Variants in LRP2 observed in about 807,000 individuals in gnomAD.
LRP2 encodes the protein low-density lipoprotein receptor-related protein 2.
LRP2 carries 172 observed loss-of-function variants against 531.0 expected under a neutral mutation model. The ratio of observed to expected loss-of-function variants is 0.32; its 90% CI spans 0.29 to 0.37. LRP2 has a LOEUF of 0.37. LRP2 is among the 10% of genes least tolerant of loss of function. LRP2 has a pLI of 1.00. For synonymous variants in LRP2, 1,992 were observed against 2,027.6 expected (o/e 0.98, Z 0.47); for missense variants, 5,167 against 5,868.3 (o/e 0.88, Z 3.90).
rs1559054862 is a variant in LRP2, at chr2:169,280,517, C to A, written c.1174G>T (p.Gly392Cys). The A allele has an allele frequency of 1.9e-6, 3 of 1,613,970 alleles. No individual in the cohort carries two copies. Among genetic ancestry groups the A allele is most frequent in the Non-Finnish European group, 1.7e-6 (2 of 1,179,978 alleles). ...GQYCKANDSF[G>C]EASIIFSNGR... Reference sequence around the variant, plus strand: ...TTGGAGAAGATAATGGAGGCCTCGCCAACTAAATGCGAAGAAGGAAGGCAT... The same window carrying A: ...TTGGAGAAGATAATGGAGGCCTCGCAAACTAAATGCGAAGAAGGAAGGCAT... Residue 392 changes from glycine (G) to cysteine (C), a missense_variant and splice_region_variant, in exon 11 of 79, where the codon GGC (glycine) becomes TGC (cysteine). Transcript: ENST00000649046.
At position 169,162,457 on chromosome 2, in the gene LRP2, C is replaced by A; in HGVS notation, c.11887+15G>T. 1 of 1,613,902 alleles carries A rather than the reference C, an allele frequency of 6.2e-7. No individual in the cohort carries two copies. The highest frequency in any genetic ancestry group is 1.1e-5 in the South Asian group (1 of 91,086). ...GAGTTACTACAATGAACTATAAAAA[C>A]AAGTGTTTACTTACTGCAACCCAGT... On this transcript the variant is annotated intron_variant, in intron 63 of 78. Coordinates refer to ENST00000649046, the MANE Select transcript of LRP2 (RefSeq NM_004525.3).
chr2:169,164,533 C>T (rs1434098548), intron 62 of LRP2, among the ~76,000 whole-genome samples: 2 of 152,198 alleles, frequency 1.3e-5, no homozygotes, highest in Admixed American at 6.5e-5. Flanking sequence ...GGACTATGAG[C>T]AAGAGGATGT....
chr2:169,243,481 T>C lies in LRP2; in HGVS notation c.3472A>G (p.Asn1158Asp), dbSNP rs777988034. 3.1e-6 allele frequency: 5 copies of C among 1,614,058 alleles called. No individual in the cohort carries two copies. The highest frequency in any genetic ancestry group is 4.2e-6 in the Non-Finnish European group (5 of 1,180,018). ...AACGATAGGTCAATACATCGATGAT[T>C]GGGGCAATTAAACTGACTAGGTTGG... ...TCQPSQFNCP[N>D]HRCIDLSFVC... The change falls in exon 23 of 79, where the codon AAT becomes GAT. Residue 1158 changes from asparagine (N) to aspartate (D), a missense_variant. Coordinates refer to ENST00000649046, the MANE Select transcript of LRP2 (RefSeq NM_004525.3).
At chr2:169,362,255 G>A in intron 1 of LRP2, 66 bp downstream of exon 1, 1 of 1,412,098 alleles carries the variant, frequency 7.1e-7, no homozygotes, top group South Asian at 1.3e-5. Flanking sequence ...CCGGCCTCCC[G>A]CGGACCCGAC....
intron 1 of LRP2, among the ~76,000 whole-genome samples, chr2:169,339,151 G>GTA (rs1473452104): frequency 2.0e-5 from 3 of 150,830 alleles, no homozygotes; most frequent in East Asian, 1.9e-4. Flanking sequence ...GAGAGTTTAT[G>GTA]TATATATATA....
Position 169,277,142 on chromosome 2 carries a change from C to T in LRP2, c.1772+603G>A, listed in dbSNP as rs183068951. 2.5e-3 allele frequency among the ~76,000 whole-genome samples: 367 copies of T among 147,514 alleles called. 4 individuals are homozygous for T. Among genetic ancestry groups the T allele is most frequent in the African/African-American group, 8.6e-3 (343 of 39,894 alleles). On this transcript the variant is annotated intron_variant, in intron 13 of 78. Coordinates refer to ENST00000649046, the MANE Select transcript of LRP2 (RefSeq NM_004525.3). ...TTGGGAGGTGGAGTTTGCAGTGAAC[C>T]GAGATTGCATCACTGCACTTCAGCC...
rs141206999 is a variant in LRP2, at chr2:169,225,465, G to C, written c.5395-12C>G. The C allele has an allele frequency of 7.3e-4, 1,181 of 1,613,816 alleles. 4 individuals carry two copies. The African/African-American group carries it at 0.014, about 19-fold the overall frequency. The stretch of plus-strand genomic sequence containing the variant: ...CTGTGAATTTCACCCTGGAAAGAAA[G>C]ACAAGGGGAGGTGAGCAGTTCCAAG... On this transcript the variant is annotated splice_polypyrimidine_tract_variant and intron_variant, in intron 32 of 78. Coordinates refer to ENST00000649046, the MANE Select transcript of LRP2 (RefSeq NM_004525.3).
rs188407544 is a variant in LRP2 at position 169,302,081 on chromosome 2, T to C, written c.427+5200A>G. 7.2e-4 allele frequency among the ~76,000 whole-genome samples: 109 copies of C among 152,218 alleles called. 1 individual carries two copies. The highest frequency in any genetic ancestry group is 2.6e-3 in the African/African-American group (106 of 41,538). On this transcript the variant is annotated intron_variant, in intron 4 of 78. Transcript: ENST00000649046. ...GCCCCATTCACAGGCTAATTCTAAG[T>C]TTGTCCACAAGTAATGATTTCCATG...
Position 169,237,305 on chromosome 2 carries a change from TAAAG to T in LRP2, c.4507-22_4507-19del, listed in dbSNP as rs1689642815. Reference sequence around the variant, plus strand: ...TCAAATACCTAAAGACAAAAGTGAATAAAGAGTGAATTCTAGAGCAAATAAATGA... The same window carrying T: ...TCAAATACCTAAAGACAAAAGTGAATAGTGAATTCTAGAGCAAATAAATGA... On this transcript the variant is annotated intron_variant, in intron 27 of 78. Transcript: ENST00000649046. 6.3e-7 allele frequency: 1 copy of T among 1,575,374 alleles called. No individual in the cohort carries two copies. The highest frequency in any genetic ancestry group is 1.3e-5 in the African/African-American group (1 of 74,126).
chr2:169,360,889 T>C (rs928130405), intron 1 of LRP2, among the ~76,000 whole-genome samples: 1 of 152,150 alleles, frequency 6.6e-6, no homozygotes, highest in Non-Finnish European at 1.5e-5. Context: ...CTAAGGAGCT[T>C]ACGCTAAGAA....
Position 169,165,920 on chromosome 2 carries a change from A to G in LRP2, c.11758+12T>C, listed in dbSNP as rs745401085. The G allele has an allele frequency of 6.2e-7, 1 of 1,613,784 alleles. No individual in the cohort carries two copies. Among genetic ancestry groups the G allele is most frequent in the Non-Finnish European group, 8.5e-7 (1 of 1,179,828 alleles). ...CCTTCCTTTTTCCTTCTCCCTTTTG[A>G]CTTTTGCTTACAGTGCTCCTCTGTC... On this transcript the variant is annotated intron_variant, in intron 62 of 78. Transcript: ENST00000649046.
At chr2:169,226,389 A>G in intron 32 of LRP2, 33 bp downstream of exon 32, 1 of 1,575,518 alleles carries the variant, frequency 6.3e-7, no homozygotes, top group Non-Finnish European at 8.7e-7. Context: ...TTCAAGAATA[A>G]ATTATATACT....
At position 169,297,878 on chromosome 2, in the gene LRP2, A is replaced by G. The variant is rs948335137; in HGVS notation, c.428-3168T>C. ...ACTGCAGACATGTTTTATTCTCACA[A>G]TTTGACAACATGGCTGAGGACAACA... On this transcript the variant is annotated intron_variant, in intron 4 of 78. Transcript: ENST00000649046. 7.2e-5 allele frequency among the ~76,000 whole-genome samples: 11 copies of G among 152,208 alleles called. 1 individual carries two copies. The East Asian group carries it at 1.2e-3, about 16-fold the overall frequency.
At chr2:169,205,729 T>C (rs1378648278) in intron 40 of LRP2, 92 bp from the exon 41 acceptor site, 5 of 1,290,572 alleles carry the variant, frequency 3.9e-6, no homozygotes, top group Admixed American at 3.5e-5. Context: ...TAATTGCAAA[T>C]TGCCAGTAAC....
intron 1 of LRP2, among the ~76,000 whole-genome samples, chr2:169,344,168 G>T (rs770723079): frequency 6.6e-6 from 1 of 151,774 alleles, no homozygotes; most frequent in Non-Finnish European, 1.5e-5. Context: ...TGTGCAGAAC[G>T]TGCAGGTTTG....
intron 1 of LRP2, among the ~76,000 whole-genome samples, chr2:169,357,289 T>TTTTTA (rs148875655): frequency 0.062 from 7,236 of 116,848 alleles, 256 homozygotes; most frequent in East Asian, 0.22. Flanking sequence ...TTTTTATTTA[T>TTTTTA]TTTTATTTTA....
Position 169,246,904 on chromosome 2 carries a change from C to G in LRP2, c.2991G>C (p.Val997=). The G allele has an allele frequency of 6.2e-7, 1 of 1,614,194 alleles. No individual in the cohort carries two copies. Residue 997 remains valine, a synonymous_variant, in exon 21 of 79, where the codon GTG becomes GTC. Coordinates refer to ENST00000649046, the MANE Select transcript of LRP2 (RefSeq NM_004525.3). ...GCCTCATTCCATAAGGGCACCCACA[C>G]ACTCGCTGGAAATTTGGCACCGGGA... ...FCFPVPNFQR[V]CGCPYGMRLA...
Position 169,171,346 on chromosome 2 carries a change from G to A in LRP2, c.11263+669C>T, listed in dbSNP as rs548672738. Reference sequence around the variant, plus strand: ...GGGTCAGTGATATACACTCTGGGCAGGGCTTCATTAAGCTTGTTTTCAGAA... The same window carrying A: ...GGGTCAGTGATATACACTCTGGGCAAGGCTTCATTAAGCTTGTTTTCAGAA... On this transcript the variant is annotated intron_variant, in intron 58 of 78. Coordinates refer to ENST00000649046, the MANE Select transcript of LRP2 (RefSeq NM_004525.3). 7.2e-5 allele frequency among the ~76,000 whole-genome samples: 11 copies of A among 152,240 alleles called. 1 individual carries two copies. In the South Asian group the frequency reaches 2.3e-3, roughly 32 times the overall value.
intron 21 of LRP2, 80 bp from the exon 22 acceptor site, chr2:169,245,012 T>C: frequency 1.3e-6 from 2 of 1,512,086 alleles, no homozygotes; most frequent in Non-Finnish European, 1.8e-6. Context: ...AAAGGCTCAG[T>C]TCACCTTTTT....
Sources: gnomAD v4.1 joint callset for allele counts (sites outside exome capture counted in the v4.1 genomes callset) on GRCh38, gnomAD v4.1.1 for gene constraint, MANE v1.5 for transcripts, NCBI Gene and HGNC (gene_info 2026-07-23, HGNC 2026-07-21) for gene names.